DAB1: variants seen among roughly 807,000 people sequenced by gnomAD.
DAB1 encodes DAB adaptor protein 1.
A neutral mutation model predicts 64.6 loss-of-function variants in DAB1; 15 were observed. The observed-to-expected ratio is 0.23, with a 90% confidence interval of 0.16 to 0.36. The LOEUF (loss-of-function observed/expected upper bound fraction) is 0.36, where lower values mean the gene tolerates loss of function less well. Ranked by LOEUF, DAB1 falls within the 10% of genes least tolerant of loss-of-function variation. The pLI is 1.00. For synonymous variants in DAB1, 235 were observed against 251.9 expected (o/e 0.93, Z 0.64); for missense variants, 596 against 706.7 (o/e 0.84, Z 1.78).
At chr1:57,790,695 A>C (rs1307203827) in intron 6 of DAB1, among the ~76,000 whole-genome samples, 1 of 152,162 alleles carries the variant, frequency 6.6e-6, no homozygotes, top group African/African-American at 2.4e-5. Flanking sequence ...AATAACAGAA[A>C]ATGATTGAAA....
At chr1:58,350,241 G>A (rs1237346112) in intron 3 of DAB1, among the ~76,000 whole-genome samples, 1 of 152,088 alleles carries the variant, frequency 6.6e-6, no homozygotes, top group East Asian at 1.9e-4. Flanking sequence ...TTTGTTGGCT[G>A]CATAAATGTC....
At chr1:57,028,729 A>G (rs1380316455) in intron 9 of DAB1, among the ~76,000 whole-genome samples, 2 of 152,178 alleles carry the variant, frequency 1.3e-5, no homozygotes, top group Non-Finnish European at 2.9e-5. Flanking sequence ...CAAAGAGACC[A>G]GTGACATTTT....
intron 6 of DAB1, among the ~76,000 whole-genome samples, chr1:57,699,141 AT>A (rs533991593): frequency 6.6e-6 from 1 of 152,096 alleles, no homozygotes; most frequent in Non-Finnish European, 1.5e-5. Context: ...GGGTATCACT[AT>A]ATTGTCCAGG....
At chr1:58,069,268 C>T (rs142835785) in intron 5 of DAB1, among the ~76,000 whole-genome samples, 248 of 152,280 alleles carry the variant, frequency 1.6e-3, no homozygotes, top group African/African-American at 5.5e-3. Flanking sequence ...TTTAGGTGCT[C>T]ACCAAACTTA....
chr1:57,933,251 C>T (rs1392700806), intron 5 of DAB1, among the ~76,000 whole-genome samples: 1 of 152,240 alleles, frequency 6.6e-6, no homozygotes, highest in Non-Finnish European at 1.5e-5. Context: ...CTACAAGTTG[C>T]AATTCTCTGC....
chr1:57,449,433 G>A (rs909828330), intron 7 of DAB1, among the ~76,000 whole-genome samples: 1 of 149,088 alleles, frequency 6.7e-6, no homozygotes, highest in South Asian at 2.1e-4. Flanking sequence ...AGGCTAGAGT[G>A]CAGTGGTGTG....
At chr1:57,739,144 C>T (rs1039623346) in intron 6 of DAB1, among the ~76,000 whole-genome samples, 5 of 152,114 alleles carry the variant, frequency 3.3e-5, no homozygotes, top group African/African-American at 1.2e-4. Flanking sequence ...ATAATAAACA[C>T]ACAATGACTT....
chr1:57,246,732 T>C (rs1035763934), intron 2 of DAB1, among the ~76,000 whole-genome samples: 2 of 152,210 alleles, frequency 1.3e-5, no homozygotes, highest in African/African-American at 4.8e-5. Flanking sequence ...TCGGGGGCTA[T>C]ATCCTGCAGC....
chr1:57,426,874 A>ATATATATTT (rs57970737), upstream of DAB1, among the ~76,000 whole-genome samples: 5 of 149,278 alleles, frequency 3.3e-5, no homozygotes, highest in African/African-American at 1.2e-4. Context: ...ATATATATAT[A>ATATATATTT]TTTTTTTGAG....
chr1:57,581,484 G>C (rs1645311196), intron 7 of DAB1, among the ~76,000 whole-genome samples: 1 of 152,018 alleles, frequency 6.6e-6, no homozygotes, highest in Non-Finnish European at 1.5e-5. Flanking sequence ...CCCTAATGTT[G>C]GGTTGACTAC....
chr1:58,232,411 C>A (rs1313192354), intron 4 of DAB1, among the ~76,000 whole-genome samples: 1 of 151,352 alleles, frequency 6.6e-6, no homozygotes, highest in African/African-American at 2.4e-5. Flanking sequence ...TTCCCCAGGA[C>A]CAGCTCTGAG....
intron 1 of DAB1, among the ~76,000 whole-genome samples, chr1:57,322,091 C>G (rs1411325505): frequency 6.6e-6 from 1 of 152,178 alleles, no homozygotes; most frequent in Non-Finnish European, 1.5e-5. Flanking sequence ...CAATTCTGCT[C>G]TCTTTTCACA....
At chr1:57,625,675 T>C (rs1337670176) in intron 7 of DAB1, among the ~76,000 whole-genome samples, 1 of 151,948 alleles carries the variant, frequency 6.6e-6, no homozygotes, top group Non-Finnish European at 1.5e-5. Context: ...CATAGGCAAT[T>C]ATAGAGACTT....
In DAB1 at chr1:56,996,282, A is replaced by G. The variant is rs546181940; in HGVS notation, c.*1862T>C. 6.6e-6 allele frequency: 1 copy of G among 152,368 alleles called. No individual in the cohort carries two copies. Among genetic ancestry groups the G allele is most frequent in the African/African-American group, 2.4e-5 (1 of 41,598 alleles). 9.4% of individuals were successfully genotyped at this position (152,368 alleles called of 1,614,324 possible). A position where few individuals can be genotyped will look rare whatever the true frequency, so the allele number is the denominator to read the frequency against. On this transcript the variant is annotated 3_prime_UTR_variant, in exon 15 of 15. Transcript: ENST00000371236. ...ATCTAAAAACCAAATAATAATAATT[A>G]TCCTCAAATCCAATTAATCACATGA...
chr1:57,904,567 G>T (rs1644522440), intron 5 of DAB1, among the ~76,000 whole-genome samples: 1 of 152,152 alleles, frequency 6.6e-6, no homozygotes, highest in Non-Finnish European at 1.5e-5. Flanking sequence ...TCAGCGCAAG[G>T]CTACCCCTTG....
chr1:57,283,302 T>C (rs1332375091), intron 2 of DAB1, among the ~76,000 whole-genome samples: 1 of 152,214 alleles, frequency 6.6e-6, no homozygotes, highest in Non-Finnish European at 1.5e-5. Context: ...CAAGTATCCA[T>C]TTGAAGAGGG....
chr1:58,386,323 C>T (rs547686276), intron 3 of DAB1, among the ~76,000 whole-genome samples: 1 of 152,148 alleles, frequency 6.6e-6, no homozygotes, highest in South Asian at 2.1e-4. Flanking sequence ...GTTCTACACT[C>T]AAGGTTAATG....
intron 1 of DAB1, among the ~76,000 whole-genome samples, chr1:57,834,157 T>G (rs1652706827): frequency 6.6e-6 from 1 of 152,238 alleles, no homozygotes; most frequent in South Asian, 2.1e-4. Context: ...ACTGTAATAG[T>G]CATGCAGTGA....
chr1:57,386,386 A>AAAAAAAAAAG (rs548332875), intron 1 of DAB1, among the ~76,000 whole-genome samples: 2 of 144,258 alleles, frequency 1.4e-5, no homozygotes, highest in African/African-American at 2.6e-5. Context: ...AAAAAAAAAA[A>AAAAAAAAAAG]ACCCGTCTTT....
Sources: allele counts gnomAD v4.1 joint callset (sites outside exome capture counted in the v4.1 genomes callset), GRCh38; gene constraint gnomAD v4.1.1; transcripts MANE v1.5; gene names NCBI Gene and HGNC (gene_info 2026-07-23, HGNC 2026-07-21).